Variants in TMEM117 observed in about 807,000 individuals in gnomAD.
TMEM117 encodes the protein transmembrane protein 117.
TMEM117 carries 27 observed loss-of-function variants against 52.4 expected under a neutral mutation model. That is an observed-to-expected ratio of 0.51 (90% CI 0.38 to 0.71). The LOEUF (loss-of-function observed/expected upper bound fraction) is 0.71. Among genes scored for constraint, TMEM117 ranks in the 30% least tolerant of loss-of-function variants. The probability of loss-of-function intolerance (pLI) is 0.00; values close to 1 mark genes in which losing one functional copy is unlikely to be tolerated. For synonymous variants in TMEM117, 215 were observed against 206.3 expected, an observed-to-expected ratio of 1.04 and a Z score of -0.36; for missense variants, 556 against 630.5, an observed-to-expected ratio of 0.88 and a Z score of 1.26.
chr12:43,912,649 T>C (rs1426192326), intron 2 of TMEM117, among the ~76,000 whole-genome samples: 4 of 151,708 alleles, frequency 2.6e-5, no homozygotes, highest in Non-Finnish European at 5.9e-5. Flanking sequence ...AAATATGTGT[T>C]TAATGAATGA....
chr12:44,142,821 A>C (rs1041778890), intron 3 of TMEM117, among the ~76,000 whole-genome samples: 2 of 152,182 alleles, frequency 1.3e-5, no homozygotes, highest in African/African-American at 4.8e-5. Context: ...GCAAAATTAG[A>C]AAAATAATAA....
chr12:43,797,441 T>A, the TMEM117 span: 4 of 1,590,380 alleles, frequency 2.5e-6, no homozygotes, highest in African/African-American at 2.7e-5. Flanking sequence ...TTTCATTTTT[T>A]ATATCTATTT....
chr12:44,348,362 C>T (rs1399615554), intron 6 of TMEM117, among the ~76,000 whole-genome samples: 1 of 151,734 alleles, frequency 6.6e-6, no homozygotes, highest in Admixed American at 6.6e-5. Context: ...AAACTTCTAA[C>T]TATGTCTTGG....
At chr12:43,992,786 C>T (rs891527192) in intron 3 of TMEM117, among the ~76,000 whole-genome samples, 1 of 152,090 alleles carries the variant, frequency 6.6e-6, no homozygotes, top group African/African-American at 2.4e-5. Flanking sequence ...AGGCTATGTT[C>T]GACTCATCAT....
chr12:44,245,513 CAG>C (rs1950117469), intron 5 of TMEM117, among the ~76,000 whole-genome samples: 1 of 151,054 alleles, frequency 6.6e-6, no homozygotes, highest in Non-Finnish European at 1.5e-5. Flanking sequence ...TTTTAGCATG[CAG>C]AAATGTTACT....
intron 4 of TMEM117, among the ~76,000 whole-genome samples, chr12:44,206,011 G>T (rs1000460691): frequency 6.6e-6 from 1 of 152,214 alleles, no homozygotes; most frequent in Non-Finnish European, 1.5e-5. Flanking sequence ...GAATCAGGGG[G>T]CTGACAGCCT....
intron 4 of TMEM117, among the ~76,000 whole-genome samples, chr12:44,152,534 A>G (rs1202549753): frequency 8.4e-6 from 1 of 119,330 alleles, no homozygotes; most frequent in Non-Finnish European, 1.6e-5. Flanking sequence ...ATATATTTAT[A>G]TCATATAAAT....
intron 3 of TMEM117, among the ~76,000 whole-genome samples, chr12:44,088,298 T>C (rs930650808): frequency 1.3e-5 from 2 of 152,202 alleles, no homozygotes; most frequent in African/African-American, 4.8e-5. Context: ...ACCAGTGTTT[T>C]CTCTTTGATT....
At chr12:44,398,927 T>G in the TMEM117 span, among the ~76,000 whole-genome samples, 1 of 152,194 alleles carries the variant, frequency 6.6e-6, no homozygotes, top group African/African-American at 2.4e-5. Context: ...TTTGTATGGC[T>G]CAATCCTGTA....
At chr12:44,175,232 G>A (rs1949101992) in intron 4 of TMEM117, among the ~76,000 whole-genome samples, 1 of 152,154 alleles carries the variant, frequency 6.6e-6, no homozygotes, top group African/African-American at 2.4e-5. Context: ...AGCTTAAGGT[G>A]TTGATGGTGG....
intron 5 of TMEM117, among the ~76,000 whole-genome samples, chr12:44,271,233 G>T (rs1950442173): frequency 6.6e-6 from 1 of 151,894 alleles, no homozygotes; most frequent in African/African-American, 2.4e-5. Flanking sequence ...GAGTATATGG[G>T]TATAGTAATA....
At chr12:44,077,671 T>A (rs931345921) in intron 3 of TMEM117, among the ~76,000 whole-genome samples, 4 of 152,184 alleles carry the variant, frequency 2.6e-5, no homozygotes, top group Admixed American at 1.3e-4. Flanking sequence ...CACTTTTTTT[T>A]ATATGAAGGG....
At chr12:44,325,701 A>G (rs1017448457) in intron 6 of TMEM117, among the ~76,000 whole-genome samples, 2 of 152,094 alleles carry the variant, frequency 1.3e-5, no homozygotes, top group Non-Finnish European at 2.9e-5. Context: ...GAGATTGTTT[A>G]CAACAGTTGT....
chr12:43,921,098 T>G (rs908283803), intron 2 of TMEM117, among the ~76,000 whole-genome samples: 3 of 152,202 alleles, frequency 2.0e-5, no homozygotes, highest in Admixed American at 6.5e-5. Flanking sequence ...TGTGATCTTT[T>G]CTTATCTGAG....
intron 2 of TMEM117, among the ~76,000 whole-genome samples, chr12:43,890,331 G>A (rs1944079291): frequency 6.6e-6 from 1 of 152,142 alleles, no homozygotes; most frequent in Admixed American, 6.5e-5. Context: ...TGGACTGTAA[G>A]ACCGTTAGTG....
intron 3 of TMEM117, among the ~76,000 whole-genome samples, chr12:44,000,918 C>G (rs1253439835): frequency 6.6e-6 from 1 of 152,144 alleles, no homozygotes; most frequent in Non-Finnish European, 1.5e-5. Context: ...GTCAGTTCCA[C>G]CCTTAGAGGT....
At chr12:44,039,534 A>G (rs1946764338) in intron 3 of TMEM117, among the ~76,000 whole-genome samples, 1 of 151,922 alleles carries the variant, frequency 6.6e-6, no homozygotes. Flanking sequence ...AACTTTTGAG[A>G]TTTTGACTGG....
At chr12:44,245,397 A>G (rs1383040720) in intron 5 of TMEM117, among the ~76,000 whole-genome samples, 3 of 151,926 alleles carry the variant, frequency 2.0e-5, no homozygotes, top group Non-Finnish European at 2.9e-5. Context: ...ATAGTTTTCA[A>G]CATACAGATT....
chr12:44,224,118 G>A (rs757677887), intron 5 of TMEM117, among the ~76,000 whole-genome samples: 3 of 151,890 alleles, frequency 2.0e-5, no homozygotes, highest in Non-Finnish European at 2.9e-5. Context: ...ATGTTTACCT[G>A]TCTCTGCCTT....
Sources: allele counts gnomAD v4.1 joint callset (sites outside exome capture counted in the v4.1 genomes callset), GRCh38; gene constraint gnomAD v4.1.1; transcripts MANE v1.5; gene names NCBI Gene and HGNC (gene_info 2026-07-23, HGNC 2026-07-21).